The following POM121 variants were observed in gnomAD, a reference collection of about 807,000 sequenced individuals.
POM121 encodes the protein POM121 transmembrane nucleoporin, also known as nuclear envelope pore membrane protein POM 121.
Under a neutral mutation model 81.3 loss-of-function variants are expected in POM121, and 32 were observed. That is an observed-to-expected ratio of 0.39 (90% CI 0.30 to 0.53). The LOEUF (loss-of-function observed/expected upper bound fraction) is 0.53. POM121 is among the 20% of genes least tolerant of loss of function. The pLI, the probability that POM121 is intolerant of heterozygous loss-of-function variation, is 0.66. For synonymous variants in POM121, 514 were observed against 694.2 expected (o/e 0.74, Z 4.08); for missense variants, 1,138 against 1,614.6 (o/e 0.70, Z 5.06).
chr7:72,943,230 C>A lies in POM121; in HGVS notation c.3237C>A (p.Thr1079=), dbSNP rs368614425. 3 of 1,612,624 alleles carry A rather than the reference C, an allele frequency of 1.9e-6. No individual in the cohort carries two copies. In the Admixed American group the frequency reaches 5.0e-5, roughly 27 times the overall value. Residue 1079 remains threonine, a synonymous_variant, in exon 11 of 13, where the codon ACC becomes ACA. Coordinates refer to ENST00000434423, the MANE Select transcript of POM121 (RefSeq NM_001387691.1). ...CCGGCTTTGGAGCCACCACCCAGAC[C>A]GCCAGCAGCGGGAGCAGCAGCTCGG... ...TSSGFGATTQ[T]ASSGSSSSVF...
At chr7:72,884,368 A>G (rs1790467008) in intron 1 of POM121, among the ~76,000 whole-genome samples, 1 of 151,928 alleles carries the variant, frequency 6.6e-6, no homozygotes, top group Admixed American at 6.6e-5. Context: ...AGTACATAGA[A>G]GTTGTGATTC....
At chr7:72,925,046 G>C (rs1795218025), upstream of POM121, 10 of 1,349,162 alleles carry the variant, frequency 7.4e-6, no homozygotes, top group South Asian at 1.3e-4. Flanking sequence ...GCATGACGTA[G>C]AGGGCGCGCG....
intron 3 of POM121, among the ~76,000 whole-genome samples, chr7:72,927,537 C>G (rs559915624): frequency 6.6e-6 from 1 of 151,864 alleles, no homozygotes; most frequent in Non-Finnish European, 1.5e-5. Context: ...TGGTGAAACC[C>G]CATCTCTACT....
At chr7:72,902,184 C>T (rs1260960899) in intron 3 of POM121, among the ~76,000 whole-genome samples, 7 of 150,542 alleles carry the variant, frequency 4.6e-5, no homozygotes, top group African/African-American at 1.7e-4. Context: ...CAGTGGTTTC[C>T]ATCTGCTCAA....
intron 3 of POM121, among the ~76,000 whole-genome samples, chr7:72,902,490 T>G (rs1792782430): frequency 6.6e-6 from 1 of 151,842 alleles, no homozygotes. Flanking sequence ...TTTTTTTCCT[T>G]TTTTATTTTT....
intron 3 of POM121, among the ~76,000 whole-genome samples, chr7:72,904,825 G>A (rs1486032810): frequency 6.6e-6 from 1 of 152,180 alleles, no homozygotes; most frequent in African/African-American, 2.4e-5. Context: ...TACAATCATG[G>A]TGGAAAGCTA....
chr7:72,928,408 G>A lies in POM121; in HGVS notation c.1046G>A (p.Gly349Glu). ...AGGCGCCATGATAGCAGTGGCAGTG[G>A]ACATTCAGCATTTGAGCCCCTGGTG... ...KRRRHDSSGS[G>E]HSAFEPLVAN... The change falls in exon 4 of 13, where the codon GGA becomes GAA. Residue 349 changes from glycine to glutamate, a missense_variant. Physicochemically the swap from Gly to Glu is moderately conservative, Grantham distance 98 (BLOSUM62 -2). This residue lies in a region of POM121 where 646 missense variants were observed against 633.5 expected (regional missense o/e 1.02). Coordinates refer to ENST00000434423, the MANE Select transcript of POM121 (RefSeq NM_001387691.1). 1 of 1,614,220 alleles carries A rather than the reference G, an allele frequency of 6.2e-7. No individual in the cohort carries two copies. The highest frequency in any genetic ancestry group is 1.3e-5 in the African/African-American group (1 of 75,066).
chr7:72,926,315 C>T lies in POM121; in HGVS notation c.698C>T (p.Pro233Leu), dbSNP rs782506369. The change falls in exon 2 of 13, where the codon CCG becomes CTG. Residue 233 changes from proline to leucine, a missense_variant. Physicochemically the swap from Pro to Leu is moderately conservative, Grantham distance 98. Transcript: ENST00000434423. Reference protein sequence around the residue: ...RFVITPRRRYPIHQAQYSCLG... With the variant: ...RFVITPRRRYLIHQAQYSCLG... ...GTAATAACACCTAGAAGACGCTATC[C>T]GATCCATCAGGCCCAGTATTCCTGT... 4.4e-6 allele frequency: 7 copies of T among 1,603,172 alleles called. No individual in the cohort carries two copies. In the East Asian group the frequency reaches 6.8e-5, roughly 15 times the overall value.
chr7:72,934,762 C>G (rs564973967), intron 5 of POM121, among the ~76,000 whole-genome samples: 145 of 152,192 alleles, frequency 9.5e-4, no homozygotes, highest in Middle Eastern at 3.4e-3. Flanking sequence ...ACCCATTTCT[C>G]TTAGCAACAT....
rs1444707800 is a variant in POM121, at chr7:72,925,390, G to T, written c.269G>T (p.Arg90Leu). The change falls in exon 1 of 13, where the codon CGC becomes CTC. Residue 90 changes from arginine to leucine, a missense_variant. By Grantham distance (102) the Arg-to-Leu change is moderately radical. Coordinates refer to ENST00000434423, the MANE Select transcript of POM121 (RefSeq NM_001387691.1). ...SSFVRKARHR[R>L]PLSSFVRKAR... is the part of the protein sequence containing the mutation. ...TTCGTTCGGAAGGCGCGTCATCGGC[G>T]CCCCTTGTCCTCCTTCGTTCGGAAG... is the stretch of plus-strand genomic sequence containing the variant. 2.0e-6 allele frequency: 3 copies of T among 1,533,642 alleles called. No homozygotes were observed. The highest frequency in any genetic ancestry group is 1.7e-6 in the Non-Finnish European group (2 of 1,146,476).
Position 72,911,938 on chromosome 7 carries a change from C to G in POM121, c.-215-1827C>G, listed in dbSNP as rs1465380739. 2.0e-5 allele frequency among the ~76,000 whole-genome samples: 3 copies of G among 152,360 alleles called. No homozygotes were observed. In the East Asian group the frequency reaches 5.8e-4, roughly 29 times the overall value. ...GCAGGGTTGCACTCTGTCACCCAGGCTGGAGTGCAGTGGAGCGATCATACC... is the reference window on the plus strand; with the variant it reads ...GCAGGGTTGCACTCTGTCACCCAGGGTGGAGTGCAGTGGAGCGATCATACC... On this transcript the variant is annotated intron_variant, in intron 3 of 15. Transcript: ENST00000395270.
rs550667944 is a variant in POM121 at position 72,941,383 on chromosome 7, G to A, written c.1843+390G>A. 5.3e-5 allele frequency among the ~76,000 whole-genome samples: 8 copies of A among 150,576 alleles called. No individual in the cohort carries two copies. The East Asian group carries it at 1.4e-3, about 26-fold the overall frequency. ...CCCTCCAGCACTTCGAGGGCTGCTG[G>A]TGTTCCCGGCCCAGGCCTTCACGGC... On this transcript the variant is annotated intron_variant, in intron 10 of 12. Transcript: ENST00000434423.
chr7:72,924,121 T>A (rs1586142922), upstream of POM121, among the ~76,000 whole-genome samples: 2 of 150,054 alleles, frequency 1.3e-5, no homozygotes, highest in Admixed American at 1.3e-4. Flanking sequence ...TTTTTTTTGG[T>A]ATTTTTATTA....
chr7:72,881,544 A>G (rs1790156458), intron 1 of POM121, among the ~76,000 whole-genome samples: 1 of 151,462 alleles, frequency 6.6e-6, no homozygotes, highest in South Asian at 2.1e-4. Flanking sequence ...GAAAATGAAC[A>G]CATTGCAGGT....
At chr7:72,882,202 G>C (rs193027711) in intron 1 of POM121, among the ~76,000 whole-genome samples, 1 of 152,136 alleles carries the variant, frequency 6.6e-6, no homozygotes, top group African/African-American at 2.4e-5. Context: ...ATTGGCTCAC[G>C]TCTGCAGGCT....
chr7:72,924,507 A>C (rs1421983030), upstream of POM121: 1 of 152,208 alleles, frequency 6.6e-6, no homozygotes, highest in African/African-American at 2.4e-5. Context: ...ATTTTAAACT[A>C]TCTTTATGGT....
At position 72,928,222 on chromosome 7, in the gene POM121, A is replaced by T. The variant is rs7793150; in HGVS notation, c.1023-163A>T. On this transcript the variant is annotated intron_variant, in intron 3 of 12. Transcript: ENST00000434423. ...CGAAACTCTGTCTGAAAAAAAAAAA[A>T]TTTACCTTTCAGAAGCTTAGGGATT... 0.015 allele frequency among the ~76,000 whole-genome samples: 2,214 copies of T among 152,238 alleles called. 41 individuals are homozygous for T. Among genetic ancestry groups the T allele is most frequent in the African/African-American group, 0.049 (2,055 of 41,520 alleles).
In POM121 at chr7:72,891,332, TC is replaced by T. The variant is rs564690417; in HGVS notation, c.-216+224del. Among the ~76,000 whole-genome samples the T allele has an allele frequency of 4.0e-3, 610 of 152,272 alleles. 2 individuals are homozygous for T. The highest frequency in any genetic ancestry group is 6.1e-3 in the Non-Finnish European group (412 of 68,008). On this transcript the variant is annotated intron_variant, in intron 3 of 15. Transcript: ENST00000395270. ...AACCTATACTGGGGACCCATTCACT[TC>T]CTCTTCCTCCAGCATTATCGGTCAC...
chr7:72,894,664 A>T (rs1413457858), intron 3 of POM121, among the ~76,000 whole-genome samples: 3 of 149,684 alleles, frequency 2.0e-5, no homozygotes, highest in Non-Finnish European at 3.0e-5. Context: ...AGAGAGAGAG[A>T]GAGAGAGAGA....
Sources: gnomAD v4.1 joint callset for allele counts (sites outside exome capture counted in the v4.1 genomes callset) on GRCh38, gnomAD v4.1.1 for gene constraint, gnomAD v4.1.1 regional missense constraint, MANE v1.5 for transcripts, NCBI Gene and HGNC (gene_info 2026-07-23, HGNC 2026-07-21) for gene names.